PARP4: variants seen among roughly 807,000 people sequenced by gnomAD.
PARP4 encodes poly(ADP-ribose) polymerase family member 4, also known as protein mono-ADP-ribosyltransferase PARP4.
PARP4 carries 120 observed loss-of-function variants against 187.7 expected under a neutral mutation model. That is an observed-to-expected ratio of 0.64 (90% CI 0.55 to 0.74). The LOEUF is 0.74. Among genes scored for constraint, PARP4 ranks in the 30% least tolerant of loss-of-function variants. The probability of loss-of-function intolerance (pLI) is 0.00; values close to 1 mark genes in which losing one functional copy is unlikely to be tolerated. For missense variants in PARP4, 1,836 were observed against 2,070.5 expected (o/e 0.89, Z 2.20); for synonymous variants, 654 against 740.9 (o/e 0.88, Z 1.90).
intron 8 of PARP4, among the ~76,000 whole-genome samples, chr13:24,493,167 A>G (rs1160054298): frequency 6.6e-6 from 1 of 152,232 alleles, no homozygotes; most frequent in Non-Finnish European, 1.5e-5. Flanking sequence ...CAAGAAGGGA[A>G]GAACATTTTC....
At chr13:24,479,433 C>G (rs983552051) in intron 12 of PARP4, among the ~76,000 whole-genome samples, 14 of 152,190 alleles carry the variant, frequency 9.2e-5, no homozygotes, top group African/African-American at 3.1e-4. Flanking sequence ...GGGGGCCCAG[C>G]TGGGCTCCTG....
chr13:24,477,768 A>G lies in PARP4; in HGVS notation c.1722T>C (p.Phe574=), dbSNP rs1373834426. 1 of 1,584,488 alleles carries G rather than the reference A, an allele frequency of 6.3e-7. No individual in the cohort carries two copies. The highest frequency in any genetic ancestry group is 2.2e-5 in the East Asian group (1 of 44,506). The change falls in exon 14 of 34, where the codon TTT becomes TTC. Residue 574 remains phenylalanine (F), a synonymous_variant. Transcript: ENST00000381989. ...CTAATTCAGTATGATCACTAGGATG[A>G]AAGTCCTTTATCTGATCTCCAGGCA... ...FSMPGDQIKD[F]HPSDHTELEE...
intron 20 of PARP4, 43 bp from the exon 21 acceptor site, chr13:24,456,521 A>G (rs1565999695): frequency 6.4e-7 from 1 of 1,567,526 alleles, no homozygotes; most frequent in East Asian, 2.3e-5. Context: ...TAATGGAGTA[A>G]CACCATATTA....
chr13:24,495,905 T>C (rs796991928), intron 6 of PARP4, among the ~76,000 whole-genome samples: 1 of 148,810 alleles, frequency 6.7e-6, no homozygotes, highest in African/African-American at 2.5e-5. Context: ...AGCAGAACGG[T>C]GGACTGAGGC....
At chr13:24,492,280 A>G in intron 9 of PARP4, 141 bp downstream of exon 9, 1 of 582,976 alleles carries the variant, frequency 1.7e-6, no homozygotes, top group Non-Finnish European at 2.9e-6. Context: ...AGGGCTTTCT[A>G]AAATGGTTCA....
intron 30 of PARP4, among the ~76,000 whole-genome samples, chr13:24,441,192 T>C (rs1055639408): frequency 6.6e-6 from 1 of 152,100 alleles, no homozygotes; most frequent in Admixed American, 6.6e-5. Flanking sequence ...TTTGTAGAGA[T>C]GAGGTCTCGC....
intron 12 of PARP4, among the ~76,000 whole-genome samples, chr13:24,480,186 T>A (rs1413967119): frequency 6.6e-6 from 1 of 152,222 alleles, no homozygotes; most frequent in Admixed American, 6.5e-5. Context: ...TCTGGATGCA[T>A]TACTATTGCA....
At chr13:24,437,753 C>T (rs779318453) in intron 30 of PARP4, among the ~76,000 whole-genome samples, 6 of 150,298 alleles carry the variant, frequency 4.0e-5, no homozygotes, top group South Asian at 2.1e-4. Context: ...GTGAGAGGAT[C>T]GCTGGAGGCC....
intron 1 of PARP4, among the ~76,000 whole-genome samples, chr13:24,508,439 C>A (rs961204972): frequency 1.3e-5 from 2 of 152,072 alleles, no homozygotes; most frequent in South Asian, 2.1e-4. Flanking sequence ...AAGAACAAAA[C>A]AAAAAAATCT....
chr13:24,485,642 C>A (rs542881871), intron 11 of PARP4, among the ~76,000 whole-genome samples: 2 of 152,242 alleles, frequency 1.3e-5, no homozygotes, highest in East Asian at 3.9e-4. Flanking sequence ...TAATTCAAAG[C>A]AAACAGAATC....
chr13:24,428,716 G>GC (rs755065683), intron 32 of PARP4, among the ~76,000 whole-genome samples: 9 of 152,122 alleles, frequency 5.9e-5, no homozygotes, highest in Non-Finnish European at 1.0e-4. Context: ...CAAATGATCT[G>GC]CCCCCTTTGG....
chr13:24,446,425 G>A (rs1198742607), intron 27 of PARP4, among the ~76,000 whole-genome samples: 10 of 151,594 alleles, frequency 6.6e-5, no homozygotes, highest in Admixed American at 3.3e-4. Context: ...GGCTTCCCTG[G>A]GCCACAGTGG....
intron 10 of PARP4, among the ~76,000 whole-genome samples, chr13:24,489,872 C>T (rs540898270): frequency 1.2e-4 from 18 of 152,134 alleles, no homozygotes; most frequent in Admixed American, 1.2e-3. Context: ...AAATCCTCCC[C>T]GTGTCCAATT....
chr13:24,505,265 C>A (rs1337579289), intron 1 of PARP4, among the ~76,000 whole-genome samples: 1 of 152,116 alleles, frequency 6.6e-6, no homozygotes, highest in African/African-American at 2.4e-5. Flanking sequence ...AGCCTAATGC[C>A]ACAGCCCACT....
chr13:24,440,371 C>A (rs1348113425), intron 30 of PARP4, among the ~76,000 whole-genome samples: 1 of 147,732 alleles, frequency 6.8e-6, no homozygotes, highest in Non-Finnish European at 1.5e-5. Flanking sequence ...GCACTCAACC[C>A]TGGGCGACAG....
chr13:24,489,114 T>C (rs1238061509), intron 10 of PARP4, among the ~76,000 whole-genome samples: 1 of 152,240 alleles, frequency 6.6e-6, no homozygotes, highest in East Asian at 1.9e-4. Context: ...TGAATATTCA[T>C]GTACAAGTAC....
At chr13:24,457,434 G>C (rs1456749727) in intron 20 of PARP4, among the ~76,000 whole-genome samples, 1 of 152,164 alleles carries the variant, frequency 6.6e-6, no homozygotes, top group Non-Finnish European at 1.5e-5. Flanking sequence ...GCAGGGGCGT[G>C]AAAAGTGTCC....
intron 30 of PARP4, among the ~76,000 whole-genome samples, chr13:24,436,379 C>CT (rs1249175128): frequency 6.6e-6 from 1 of 152,220 alleles, no homozygotes; most frequent in Non-Finnish European, 1.5e-5. Context: ...TCACAACTCA[C>CT]TATAGCCTTG....
intron 1 of PARP4, among the ~76,000 whole-genome samples, chr13:24,507,141 C>T (rs993063297): frequency 9.2e-5 from 14 of 152,228 alleles, no homozygotes; most frequent in Non-Finnish European, 1.3e-4. Flanking sequence ...GGAACTTGCG[C>T]TGGCCCGCAA....
Sources: gnomAD v4.1 joint callset for allele counts (sites outside exome capture counted in the v4.1 genomes callset) on GRCh38, gnomAD v4.1.1 for gene constraint, MANE v1.5 for transcripts, NCBI Gene and HGNC (gene_info 2026-07-23, HGNC 2026-07-21) for gene names.